Variants in HYDIN observed in about 807,000 individuals in gnomAD.
HYDIN encodes HYDIN axonemal central pair apparatus protein, also known as axonemal central pair apparatus protein HYDIN.
HYDIN carries 132 observed loss-of-function variants against 403.9 expected under a neutral mutation model. That is an observed-to-expected ratio of 0.33 (90% confidence interval 0.28 to 0.38). The LOEUF is 0.38. Among genes scored for constraint, HYDIN ranks in the 10% least tolerant of loss-of-function variants. HYDIN has a pLI of 1.00. For synonymous variants in HYDIN, 1,202 were observed against 1,891.7 expected (o/e 0.64, Z 9.46); for missense variants, 2,827 against 5,009.5 (o/e 0.56, Z 13.15).
At chr16:70,894,134 G>A in intron 55 of HYDIN, 1 of 266,372 alleles carries the variant, frequency 3.8e-6, no homozygotes, top group Non-Finnish European at 7.1e-6. Context: ...GACACCTATG[G>A]TTCCAACTGG....
intron 58 of HYDIN, among the ~76,000 whole-genome samples, chr16:70,888,993 G>A (rs1006806585): frequency 2.6e-5 from 4 of 151,954 alleles, no homozygotes; most frequent in African/African-American, 9.7e-5. Context: ...GGCTTCTGTT[G>A]GGGCTTTCTT....
intron 5 of HYDIN, among the ~76,000 whole-genome samples, chr16:71,165,787 G>C (rs2086197901): frequency 6.6e-6 from 1 of 151,458 alleles, no homozygotes; most frequent in Admixed American, 6.6e-5. Context: ...TGACACTTCA[G>C]CAGAGACATG....
At chr16:71,206,616 G>C (rs1441745404) in intron 1 of HYDIN, among the ~76,000 whole-genome samples, 1 of 152,204 alleles carries the variant, frequency 6.6e-6, no homozygotes, top group African/African-American at 2.4e-5. Context: ...AATATGGATA[G>C]AAACTAAGAT....
At chr16:71,052,542 T>C (rs2081693107) in intron 18 of HYDIN, among the ~76,000 whole-genome samples, 1 of 148,790 alleles carries the variant, frequency 6.7e-6, no homozygotes. Flanking sequence ...GGACAGGGAT[T>C]GATTTCCTAA....
At chr16:70,889,965 A>T (rs373544731) in intron 57 of HYDIN, among the ~76,000 whole-genome samples, 3 of 152,278 alleles carry the variant, frequency 2.0e-5, no homozygotes, top group Admixed American at 2.0e-4. Flanking sequence ...AGAAGATAGT[A>T]AGTTTTAAAT....
At chr16:70,885,107 C>T (rs1388698527) in intron 58 of HYDIN, among the ~76,000 whole-genome samples, 2 of 150,818 alleles carry the variant, frequency 1.3e-5, no homozygotes, top group African/African-American at 4.9e-5. Context: ...TGATAACTTG[C>T]TTTGCGTGAC....
rs566316537 is a variant in HYDIN at position 71,071,342 on chromosome 16, T to G, written c.1739-1840A>C. 4.5e-3 allele frequency among the ~76,000 whole-genome samples: 685 copies of G among 152,064 alleles called. 4 individuals carry two copies. Among genetic ancestry groups the G allele is most frequent in the Non-Finnish European group, 7.0e-3 (476 of 67,998 alleles). On this transcript the variant is annotated intron_variant, in intron 13 of 85. Coordinates refer to ENST00000393567, the MANE Select transcript of HYDIN (RefSeq NM_001270974.2). ...CCTAAAGGAAGGGGATGCTGATTTG[T>G]TAAAGACTGAAGGTCATTAATAAGA...
At chr16:71,195,008 T>C (rs530795647) in intron 1 of HYDIN, among the ~76,000 whole-genome samples, 17 of 152,170 alleles carry the variant, frequency 1.1e-4, no homozygotes, top group Non-Finnish European at 2.1e-4. Flanking sequence ...TCACACACTG[T>C]CACTTGCACA....
At chr16:70,838,490 C>A (rs10852468) in intron 76 of HYDIN, among the ~76,000 whole-genome samples, 1 of 152,236 alleles carries the variant, frequency 6.6e-6, no homozygotes, top group Admixed American at 6.5e-5. Flanking sequence ...CAGCCTGATT[C>A]TCGATTTCTT....
chr16:70,895,721 T>C (rs1567784725), intron 54 of HYDIN, among the ~76,000 whole-genome samples: 1 of 151,534 alleles, frequency 6.6e-6, no homozygotes, highest in African/African-American at 2.4e-5. Context: ...AGAGGAGAGG[T>C]GTTTACTGTA....
chr16:70,978,998 G>A lies in HYDIN; in HGVS notation c.4554C>T (p.Asn1518=), dbSNP rs1455145582. Residue 1518 remains asparagine, a synonymous_variant, in exon 30 of 86, where the codon AAC becomes AAT. Coordinates refer to ENST00000393567, the MANE Select transcript of HYDIN (RefSeq NM_001270974.2). ...YEMFLNQARK[N]TDKEYNKCEM... ...CACATTTGTTATACTCTTTGTCTGT[G>A]TTTTTCCTGGCTTGATTCAAGAACA... 1 of 1,613,582 alleles carries A rather than the reference G, an allele frequency of 6.2e-7. No homozygotes were observed. The highest frequency in any genetic ancestry group is 1.1e-5 in the South Asian group (1 of 91,064).
At chr16:70,974,415 C>T (rs928519947) in intron 32 of HYDIN, 115 bp from the exon 33 acceptor site, 1 of 1,489,880 alleles carries the variant, frequency 6.7e-7, no homozygotes, top group African/African-American at 1.4e-5. Flanking sequence ...ACTGAATAGC[C>T]CAAGAATCCT....
intron 58 of HYDIN, among the ~76,000 whole-genome samples, chr16:70,886,881 TTGG>T (rs1345811901): frequency 6.6e-6 from 1 of 152,148 alleles, no homozygotes; most frequent in Non-Finnish European, 1.5e-5. Flanking sequence ...AGGATTTCTT[TTGG>T]TTTCTCCTAT....
At chr16:71,028,842 T>A (rs1459244027) in intron 19 of HYDIN, among the ~76,000 whole-genome samples, 2 of 151,864 alleles carry the variant, frequency 1.3e-5, no homozygotes, top group Non-Finnish European at 2.9e-5. Context: ...TGGTAGTTTA[T>A]GGCTAACAGT....
intron 43 of HYDIN, among the ~76,000 whole-genome samples, chr16:70,939,263 G>A (rs1450776597): frequency 6.6e-5 from 10 of 152,104 alleles, no homozygotes; most frequent in Non-Finnish European, 1.2e-4. Flanking sequence ...AAAAAGGAAC[G>A]TGGCCCTGCT....
At chr16:71,172,325 T>C (rs544453368) in intron 5 of HYDIN, among the ~76,000 whole-genome samples, 1 of 152,330 alleles carries the variant, frequency 6.6e-6, no homozygotes, top group African/African-American at 2.4e-5. Flanking sequence ...AAGGAAGTAC[T>C]TTGTTTTGCT....
At chr16:71,025,033 A>G (rs1275418666) in intron 21 of HYDIN, among the ~76,000 whole-genome samples, 2 of 152,216 alleles carry the variant, frequency 1.3e-5, no homozygotes, top group African/African-American at 2.4e-5. Flanking sequence ...ACTGATAATT[A>G]TAATTATCAA....
intron 80 of HYDIN, among the ~76,000 whole-genome samples, chr16:70,830,639 G>C (rs1159859250): frequency 4.7e-5 from 7 of 147,820 alleles, no homozygotes; most frequent in Non-Finnish European, 7.5e-5. Context: ...GGTAGCACTG[G>C]GGATGGTGGA....
intron 45 of HYDIN, among the ~76,000 whole-genome samples, chr16:70,927,606 C>T (rs1204891397): frequency 8.5e-5 from 13 of 152,082 alleles, no homozygotes; most frequent in Non-Finnish European, 1.3e-4. Context: ...AGTCACAGAA[C>T]GGTCACACTG....
Sources: allele counts gnomAD v4.1 joint callset (sites outside exome capture counted in the v4.1 genomes callset), GRCh38; gene constraint gnomAD v4.1.1; transcripts MANE v1.5; gene names NCBI Gene and HGNC (gene_info 2026-07-23, HGNC 2026-07-21).